Variants in HERPUD1 observed in about 807,000 individuals in gnomAD.
HERPUD1 encodes the protein homocysteine-responsive endoplasmic reticulum-resident ubiquitin-like domain member 1 protein.
HERPUD1 carries 17 observed loss-of-function variants against 45.0 expected under a neutral mutation model. That is an observed-to-expected ratio of 0.38 (90% CI 0.26 to 0.57). HERPUD1 has a LOEUF of 0.57. HERPUD1 is among the 20% of genes least tolerant of loss of function. The pLI is 0.72. For missense variants in HERPUD1, 420 were observed against 490.5 expected (o/e 0.86, Z 1.36); for synonymous variants, 164 against 177.5 (o/e 0.92, Z 0.61).
intron 4 of HERPUD1, 153 bp from the exon 5 acceptor site, chr16:56,939,084 A>G: frequency 1.4e-6 from 1 of 733,966 alleles, no homozygotes; most frequent in South Asian, 1.8e-5. Flanking sequence ...CTTGTGGTAC[A>G]TGGGTGCGTC....
At chr16:56,939,448 A>G in intron 5 of HERPUD1, 89 bp downstream of exon 5, 1 of 1,512,608 alleles carries the variant, frequency 6.6e-7, no homozygotes, top group Non-Finnish European at 9.1e-7. Context: ...TTCAGAATGG[A>G]GGGATGAGTG....
chr16:56,938,404 G>A (rs1328251763), intron 4 of HERPUD1, among the ~76,000 whole-genome samples: 11 of 152,064 alleles, frequency 7.2e-5, no homozygotes, highest in Non-Finnish European at 1.6e-4. Context: ...TGTACTAAAA[G>A]TACAAAAAAT....
At chr16:56,932,522 C>G in intron 1 of HERPUD1, 131 bp downstream of exon 1, 2 of 868,342 alleles carry the variant, frequency 2.3e-6, no homozygotes, top group Non-Finnish European at 3.4e-6. Context: ...GTCACCTCCC[C>G]CAGGGCTGTG....
chr16:56,936,714 G>A lies in HERPUD1; in HGVS notation c.328G>A (p.Gly110Ser), dbSNP rs1044488660. ...GGCTGAATCCACAGAGGAGCCTGCT[G>A]GTTCTAATCGGGGACAGTATCCTGA... ...KVAESTEEPA[G>S]SNRGQYPEDS... The change falls in exon 4 of 8, where the codon GGT (glycine) becomes AGT (serine). Residue 110 changes from glycine (G) to serine (S), a missense_variant. Physicochemically the swap from Gly to Ser is moderately conservative, Grantham distance 56. Transcript: ENST00000439977. 2.5e-6 allele frequency: 4 copies of A among 1,613,718 alleles called. No individual in the cohort carries two copies. Among genetic ancestry groups the A allele is most frequent in the Non-Finnish European group, 3.4e-6 (4 of 1,179,748 alleles).
chr16:56,943,658 G>A lies in HERPUD1; in HGVS notation c.*368G>A. On this transcript the variant is annotated 3_prime_UTR_variant, in exon 8 of 8. Transcript: ENST00000439977. Reference sequence around the variant, plus strand: ...TCATAGATGCAGAAGTGGTTCTGCTGGTACGATTTGATTCCTGTTGGAATG... The same window carrying A: ...TCATAGATGCAGAAGTGGTTCTGCTAGTACGATTTGATTCCTGTTGGAATG... 2 of 388,006 alleles carry A rather than the reference G, an allele frequency of 5.2e-6. No homozygotes were observed. The highest frequency in any genetic ancestry group is 9.7e-6 in the Non-Finnish European group (2 of 206,032). The allele number at this position is 388,006 out of a possible 1,614,324, so 24.0% of individuals were successfully genotyped here. A position where few individuals can be genotyped will look rare whatever the true frequency, so the allele number is the denominator to read the frequency against.
intron 7 of HERPUD1, 47 bp downstream of exon 7, chr16:56,942,284 A>G: frequency 8.0e-7 from 1 of 1,242,638 alleles, no homozygotes; most frequent in Non-Finnish European, 1.2e-6. Context: ...GTGATATGCC[A>G]GGCTCTCCAA....
At chr16:56,939,507 G>A in intron 5 of HERPUD1, 148 bp downstream of exon 5, 1 of 1,051,066 alleles carries the variant, frequency 9.5e-7, no homozygotes, top group Non-Finnish European at 1.4e-6. Context: ...TGTGGGTAGA[G>A]TGTAAATGAC....
At chr16:56,937,440 A>G (rs1265776685) in intron 4 of HERPUD1, 1 of 152,100 alleles carries the variant, frequency 6.6e-6, no homozygotes, top group East Asian at 1.9e-4. Context: ...AGTACTTTTT[A>G]TACACAATAT....
intron 4 of HERPUD1, 72 bp downstream of exon 4, chr16:56,936,889 G>A: frequency 6.5e-7 from 1 of 1,542,572 alleles, no homozygotes; most frequent in Non-Finnish European, 8.9e-7. Context: ...TAAGAATAAG[G>A]TATGTTTACA....
chr16:56,939,888 ATTTTAG>A lies in HERPUD1; in HGVS notation c.555-3_557del. 6.3e-7 allele frequency: 1 copy of A among 1,594,018 alleles called. No homozygotes were observed. ...AACAGTATCTGCCTCTGTCGTTTTT[ATTTTAG>A]TTTAGCAGCCACTGCTGCATCAGGG... On this transcript the variant is annotated splice_acceptor_variant and splice_polypyrimidine_tract_variant and intron_variant, in intron 5 of 7. Transcript: ENST00000439977. LOFTEE classifies it high-confidence loss of function.
chr16:56,936,927 C>A, intron 4 of HERPUD1, 110 bp downstream of exon 4: 1 of 1,201,634 alleles, frequency 8.3e-7, no homozygotes, highest in Non-Finnish European at 1.1e-6. Context: ...TTTAAACATA[C>A]AGAATTTTGC....
intron 1 of HERPUD1, 29 bp downstream of exon 1, chr16:56,932,420 A>G: frequency 6.6e-7 from 1 of 1,521,532 alleles, no homozygotes; most frequent in Non-Finnish European, 8.8e-7. Context: ...TCCCGCCCCT[A>G]GGCTGTGGCC....
intron 1 of HERPUD1, among the ~76,000 whole-genome samples, chr16:56,934,406 G>T (rs1319070972): frequency 6.6e-6 from 1 of 152,116 alleles, no homozygotes; most frequent in Non-Finnish European, 1.5e-5. Context: ...TTAAAATAGG[G>T]ATACTAAATC....
At chr16:56,938,302 A>G (rs1223575025) in intron 4 of HERPUD1, among the ~76,000 whole-genome samples, 8 of 152,150 alleles carry the variant, frequency 5.3e-5, no homozygotes, top group East Asian at 1.9e-4. Flanking sequence ...GGTGGCTCAC[A>G]CCTGTAATCC....
intron 1 of HERPUD1, among the ~76,000 whole-genome samples, chr16:56,934,283 T>G (rs2055848096): frequency 6.6e-6 from 1 of 152,068 alleles, no homozygotes; most frequent in Non-Finnish European, 1.5e-5. Flanking sequence ...TATAAAAGAG[T>G]GTGCAGTCCC....
At chr16:56,940,657 G>T (rs1180946667) in intron 6 of HERPUD1, among the ~76,000 whole-genome samples, 1 of 151,486 alleles carries the variant, frequency 6.6e-6, no homozygotes, top group Non-Finnish European at 1.5e-5. Flanking sequence ...AAGGAGATGT[G>T]TTTAAATAGT....
At chr16:56,935,512 C>T (rs745887574) in intron 3 of HERPUD1, 37 bp downstream of exon 3, 2 of 1,542,270 alleles carry the variant, frequency 1.3e-6, no homozygotes, top group East Asian at 2.2e-5. Context: ...CAATTTGTAT[C>T]ATTCAGACTT....
chr16:56,943,020 C>T, intron 7 of HERPUD1, 106 bp from the exon 8 acceptor site: 4 of 1,153,706 alleles, frequency 3.5e-6, no homozygotes, highest in East Asian at 2.4e-5. Context: ...GCCTATGGGG[C>T]AGGGGGCAGG....
rs1298374659 is a variant in HERPUD1 at position 56,944,211 on chromosome 16, A to T, written c.*921A>T. The T allele has an allele frequency of 1.3e-5, 2 of 152,196 alleles. No individual in the cohort carries two copies. Among genetic ancestry groups the T allele is most frequent in the African/African-American group, 2.4e-5 (1 of 41,430 alleles). The allele number at this position is 152,196 out of a possible 1,614,324, so 9.4% of individuals were successfully genotyped here. A position where few individuals can be genotyped will look rare whatever the true frequency, so the allele number is the denominator to read the frequency against. The stretch of plus-strand genomic sequence containing the variant: ...GGCATGCGCCATCACACTTAGCTTG[A>T]AAGTTTTAATTTACTAAGAATATAC... On this transcript the variant is annotated 3_prime_UTR_variant, in exon 8 of 8. Coordinates refer to ENST00000439977, the MANE Select transcript of HERPUD1 (RefSeq NM_014685.4).
Sources: gnomAD v4.1 joint callset for allele counts (sites outside exome capture counted in the v4.1 genomes callset) on GRCh38, gnomAD v4.1.1 for gene constraint, MANE v1.5 for transcripts, NCBI Gene and HGNC (gene_info 2026-07-23, HGNC 2026-07-21) for gene names.